The following ATRNL1 variants were observed in gnomAD, a reference collection of about 807,000 sequenced individuals.
ATRNL1 encodes the protein attractin like 1, also known as attractin-like protein 1.
In ATRNL1, 95 loss-of-function variants were observed where a neutral mutation model predicts 182.7. That is an observed-to-expected ratio of 0.52 (90% CI 0.44 to 0.62). The LOEUF is 0.62. Ranked by LOEUF, ATRNL1 falls within the 20% of genes least tolerant of loss-of-function variation. The probability of loss-of-function intolerance (pLI) is 0.00; values close to 1 mark genes in which losing one functional copy is unlikely to be tolerated. For synonymous variants in ATRNL1, 576 were observed against 568.3 expected (o/e 1.01, Z -0.19); for missense variants, 1,471 against 1,679.5 (o/e 0.88, Z 2.17).
Position 115,792,781 on chromosome 10 carries a change from C to G in ATRNL1, c.3904-55096C>G, listed in dbSNP as rs139837590. On this transcript the variant is annotated intron_variant, in intron 27 of 28. Transcript: ENST00000355044. The stretch of plus-strand genomic sequence containing the variant: ...CAAAGAACAGGTTTTTAACTGATAG[C>G]TAAAATTATTATATCCTCTGCTCAA... 1.6e-3 allele frequency among the ~76,000 whole-genome samples: 246 copies of G among 151,838 alleles called. 4 individuals carry two copies. The highest frequency in any genetic ancestry group is 5.8e-3 in the African/African-American group (240 of 41,478).
intron 5 of ATRNL1, among the ~76,000 whole-genome samples, chr10:115,140,763 A>G (rs1845724890): frequency 1.3e-5 from 2 of 152,268 alleles, no homozygotes; most frequent in South Asian, 4.1e-4. Context: ...GCTGTTTTAA[A>G]CTCTTAAATT....
chr10:115,550,379 T>A (rs1243911790), intron 26 of ATRNL1, among the ~76,000 whole-genome samples: 3 of 151,806 alleles, frequency 2.0e-5, no homozygotes, highest in African/African-American at 4.8e-5. Flanking sequence ...TACCTTCTTT[T>A]TTCCACATAA....
rs116732322 is a variant in ATRNL1 at position 115,777,158 on chromosome 10, T to C, written c.3903+49803T>C. Among the ~76,000 whole-genome samples, 327 of 152,282 alleles carry C rather than the reference T, an allele frequency of 2.1e-3. 1 individual carries two copies. The highest frequency in any genetic ancestry group is 7.5e-3 in the African/African-American group (313 of 41,548). The stretch of plus-strand genomic sequence containing the variant: ...TTGTAGAATTGAGGTGATAGGCATA[T>C]GGTGGTTAATATACAATTTTACTTT... On this transcript the variant is annotated intron_variant, in intron 27 of 28. Transcript: ENST00000355044.
chr10:115,700,276 A>C (rs1248818520), intron 26 of ATRNL1, among the ~76,000 whole-genome samples: 1 of 152,126 alleles, frequency 6.6e-6, no homozygotes, highest in African/African-American at 2.4e-5. Flanking sequence ...TGCTTTCCAC[A>C]GTGGCTGAGC....
chr10:115,253,617 G>T (rs1404571495), intron 10 of ATRNL1, among the ~76,000 whole-genome samples: 5 of 151,900 alleles, frequency 3.3e-5, no homozygotes, highest in Admixed American at 2.0e-4. Flanking sequence ...TTATTATTAT[G>T]CTTTAAGTTC....
chr10:115,643,388 C>G (rs1383062668), intron 26 of ATRNL1, among the ~76,000 whole-genome samples: 2 of 151,930 alleles, frequency 1.3e-5, no homozygotes, highest in Non-Finnish European at 2.9e-5. Flanking sequence ...CTAAACAAAA[C>G]ACAGGAGAAA....
chr10:115,918,553 T>C (rs1555117972), intron 28 of ATRNL1, among the ~76,000 whole-genome samples: 1 of 152,196 alleles, frequency 6.6e-6, no homozygotes. Context: ...AAGAAATAAT[T>C]AGAATTTTTA....
At chr10:115,418,705 G>A (rs188816368) in intron 20 of ATRNL1, among the ~76,000 whole-genome samples, 175 of 152,174 alleles carry the variant, frequency 1.1e-3, no homozygotes, top group African/African-American at 4.1e-3. Context: ...TGAGAAAAAA[G>A]AAGCAAATAA....
rs979510074 is a variant in ATRNL1, at chr10:115,629,641, G to A, written c.3795+80105G>A. ...GCCATATTGGAGACTGCAGAGCAGA[G>A]AGTCAAGACTGAACTGTCTTCTGAT... On this transcript the variant is annotated intron_variant, in intron 26 of 28. Transcript: ENST00000355044. 7.6e-4 allele frequency among the ~76,000 whole-genome samples: 116 copies of A among 152,262 alleles called. 1 individual carries two copies. The highest frequency in any genetic ancestry group is 4.1e-3 in the Admixed American group (63 of 15,294).
At chr10:115,120,389 A>C in intron 2 of ATRNL1, 121 bp downstream of exon 2, 1 of 502,290 alleles carries the variant, frequency 2.0e-6, no homozygotes, top group South Asian at 4.1e-5. Flanking sequence ...TTATTAGATA[A>C]TATTTACAAC....
At chr10:115,786,058 G>A (rs1555080365) in intron 27 of ATRNL1, among the ~76,000 whole-genome samples, 1 of 152,084 alleles carries the variant, frequency 6.6e-6, no homozygotes, top group East Asian at 1.9e-4. Flanking sequence ...TATTCTTTAA[G>A]CTGATAGAAG....
intron 6 of ATRNL1, among the ~76,000 whole-genome samples, chr10:115,160,647 G>A (rs1295526830): frequency 1.3e-5 from 2 of 151,816 alleles, no homozygotes; most frequent in Non-Finnish European, 2.9e-5. Context: ...TGGGAGAACA[G>A]TTCTAGTATT....
At chr10:115,343,308 G>T (rs550815184) in intron 19 of ATRNL1, among the ~76,000 whole-genome samples, 3 of 152,106 alleles carry the variant, frequency 2.0e-5, no homozygotes, top group African/African-American at 7.2e-5. Context: ...GTGGTTCATT[G>T]TTTTTAATCT....
At chr10:115,666,076 T>A (rs1860983024) in intron 26 of ATRNL1, among the ~76,000 whole-genome samples, 1 of 152,118 alleles carries the variant, frequency 6.6e-6, no homozygotes, top group African/African-American at 2.4e-5. Flanking sequence ...AAGACATAGT[T>A]AAATTCAAAG....
At chr10:115,374,986 A>G (rs552511998) in intron 19 of ATRNL1, among the ~76,000 whole-genome samples, 2 of 151,226 alleles carry the variant, frequency 1.3e-5, no homozygotes, top group South Asian at 2.1e-4. Flanking sequence ...TTTTAGGTTC[A>G]TTGATATAAA....
At chr10:115,335,455 T>C (rs1254014969) in intron 19 of ATRNL1, among the ~76,000 whole-genome samples, 2 of 152,110 alleles carry the variant, frequency 1.3e-5, no homozygotes, top group Admixed American at 1.3e-4. Context: ...ATTATCTTGG[T>C]TGTGGTTGTA....
At chr10:115,796,083 C>T (rs1949647220) in intron 27 of ATRNL1, among the ~76,000 whole-genome samples, 1 of 151,952 alleles carries the variant, frequency 6.6e-6, no homozygotes, top group Non-Finnish European at 1.5e-5. Flanking sequence ...ACACATCTCA[C>T]CTCACTCAGG....
intron 27 of ATRNL1, among the ~76,000 whole-genome samples, chr10:115,791,194 C>A (rs1555081726): frequency 6.6e-6 from 1 of 152,150 alleles, no homozygotes; most frequent in African/African-American, 2.4e-5. Context: ...TTCAGTGAGG[C>A]CTTGCAGAGC....
intron 16 of ATRNL1, among the ~76,000 whole-genome samples, chr10:115,300,777 A>G (rs1195105458): frequency 1.3e-5 from 2 of 152,206 alleles, no homozygotes; most frequent in African/African-American, 4.8e-5. Context: ...TTTAATGCCA[A>G]TTCAATGGCA....
Sources: gnomAD v4.1 joint callset for allele counts (sites outside exome capture counted in the v4.1 genomes callset) on GRCh38, gnomAD v4.1.1 for gene constraint, MANE v1.5 for transcripts, NCBI Gene and HGNC (gene_info 2026-07-23, HGNC 2026-07-21) for gene names.